The following ROR1 variants were observed in gnomAD, a reference collection of about 807,000 sequenced individuals.
The protein encoded by ROR1 is inactive tyrosine-protein kinase transmembrane receptor ROR1.
In ROR1, 19 loss-of-function variants were observed where a neutral mutation model predicts 78.8. The observed-to-expected ratio is 0.24, with a 90% CI of 0.17 to 0.35. The LOEUF (loss-of-function observed/expected upper bound fraction) is 0.35, where lower values mean the gene tolerates loss of function less well. ROR1 is among the 10% of genes least tolerant of loss of function. The probability of loss-of-function intolerance (pLI) is 1.00; values close to 1 mark genes in which losing one functional copy is unlikely to be tolerated. For synonymous variants in ROR1, 386 were observed against 433.6 expected, an observed-to-expected ratio of 0.89 and a Z score of 1.36; for missense variants, 917 against 1,177.8, an observed-to-expected ratio of 0.78 and a Z score of 3.24.
At chr1:63,876,938 C>G (rs1645290188) in intron 1 of ROR1, among the ~76,000 whole-genome samples, 1 of 151,502 alleles carries the variant, frequency 6.6e-6, no homozygotes, top group African/African-American at 2.4e-5. Flanking sequence ...TCTTAGAAAG[C>G]AATAACTTTT....
chr1:63,791,580 A>G (rs1469704219), intron 1 of ROR1, among the ~76,000 whole-genome samples: 2 of 152,088 alleles, frequency 1.3e-5, no homozygotes, highest in African/African-American at 4.8e-5. Flanking sequence ...CACCAGAGTC[A>G]AAGCAACTCA....
At chr1:63,976,099 T>C (rs189904025) in intron 1 of ROR1, among the ~76,000 whole-genome samples, 34 of 152,332 alleles carry the variant, frequency 2.2e-4, no homozygotes, top group African/African-American at 7.5e-4. Flanking sequence ...CATGCATTTT[T>C]AAGTTAACTA....
chr1:63,852,369 G>T (rs1172538481), intron 1 of ROR1, among the ~76,000 whole-genome samples: 1 of 152,126 alleles, frequency 6.6e-6, no homozygotes, highest in East Asian at 1.9e-4. Flanking sequence ...TTCTCATCCT[G>T]CCCTCCTGAG....
chr1:64,015,376 G>A lies in ROR1; in HGVS notation c.163+6000G>A, dbSNP rs1000412102. On this transcript the variant is annotated intron_variant, in intron 2 of 8. Coordinates refer to ENST00000371079, the MANE Select transcript of ROR1 (RefSeq NM_005012.4). The stretch of plus-strand genomic sequence containing the variant: ...GTTGTGATAGGATAGCTGCTTGCTC[G>A]GTCACAACATACAGATACATCTTAG... 9.2e-5 allele frequency among the ~76,000 whole-genome samples: 14 copies of A among 152,034 alleles called. No homozygotes were observed. The South Asian group carries it at 1.9e-3, about 20-fold the overall frequency.
intron 1 of ROR1, among the ~76,000 whole-genome samples, chr1:63,823,520 G>A (rs1644935908): frequency 7.5e-6 from 1 of 133,644 alleles, no homozygotes; most frequent in African/African-American, 2.9e-5. Flanking sequence ...TGCTATCATA[G>A]CTCGTTGTAA....
chr1:63,778,239 G>A (rs1036926217), intron 1 of ROR1, among the ~76,000 whole-genome samples: 1 of 152,222 alleles, frequency 6.6e-6, no homozygotes, highest in African/African-American at 2.4e-5. Context: ...TGGGGTACAT[G>A]AAATTAAGGA....
chr1:63,997,849 T>G (rs1380427244), intron 1 of ROR1, among the ~76,000 whole-genome samples: 2 of 150,920 alleles, frequency 1.3e-5, no homozygotes, highest in African/African-American at 4.9e-5. Context: ...TTTTTAAAAG[T>G]CTTTACCCAA....
chr1:64,081,703 C>T (rs951120504), intron 4 of ROR1, among the ~76,000 whole-genome samples: 6 of 143,594 alleles, frequency 4.2e-5, no homozygotes, highest in African/African-American at 8.1e-5. Flanking sequence ...CCTGGGAGAT[C>T]GAGGCTGCAG....
At chr1:63,875,768 C>G (rs995386026) in intron 1 of ROR1, among the ~76,000 whole-genome samples, 3 of 152,130 alleles carry the variant, frequency 2.0e-5, no homozygotes, top group African/African-American at 7.2e-5. Context: ...AATAAATAGG[C>G]TTCCTTGATC....
At chr1:63,987,846 G>A (rs547488458) in intron 1 of ROR1, among the ~76,000 whole-genome samples, 2 of 152,256 alleles carry the variant, frequency 1.3e-5, no homozygotes, top group South Asian at 4.1e-4. Context: ...TTGTACATTA[G>A]TCAACGTCAA....
intron 1 of ROR1, among the ~76,000 whole-genome samples, chr1:63,908,509 G>C (rs1645545209): frequency 6.6e-6 from 1 of 152,158 alleles, no homozygotes; most frequent in South Asian, 2.1e-4. Flanking sequence ...TAACATTTTG[G>C]TGTCTTAACC....
At chr1:63,787,432 C>CCTTT (rs1644695282) in intron 1 of ROR1, among the ~76,000 whole-genome samples, 1 of 116,032 alleles carries the variant, frequency 8.6e-6, no homozygotes, top group African/African-American at 3.3e-5. Flanking sequence ...AGAACTATTG[C>CCTTT]CTTTCTTTCC....
chr1:64,028,853 C>T (rs1184150054), intron 2 of ROR1: 1 of 152,050 alleles, frequency 6.6e-6, no homozygotes, highest in African/African-American at 2.4e-5. Flanking sequence ...GCCTATAATA[C>T]CCCTGTTGTG....
chr1:63,820,210 A>G (rs1362300800), intron 1 of ROR1, among the ~76,000 whole-genome samples: 3 of 152,164 alleles, frequency 2.0e-5, no homozygotes, highest in Non-Finnish European at 4.4e-5. Context: ...ATTTGAAGCC[A>G]TTGTAATGTT....
intron 1 of ROR1, among the ~76,000 whole-genome samples, chr1:63,907,183 A>T (rs903226238): frequency 6.6e-6 from 1 of 152,196 alleles, no homozygotes; most frequent in African/African-American, 2.4e-5. Context: ...AGAGGCTAGG[A>T]CATTCTAGGC....
chr1:63,930,860 T>C (rs1645745687), intron 1 of ROR1, among the ~76,000 whole-genome samples: 1 of 152,200 alleles, frequency 6.6e-6, no homozygotes, highest in Non-Finnish European at 1.5e-5. Flanking sequence ...TTAATAACTA[T>C]GGCAGGGATG....
intron 3 of ROR1, 116 bp downstream of exon 3, chr1:64,050,094 C>A: frequency 1.7e-6 from 2 of 1,174,380 alleles, no homozygotes; most frequent in Non-Finnish European, 2.4e-6. Context: ...GTACTCTGTG[C>A]CCACAACCCT....
chr1:64,112,087 G>A (rs2806535), intron 4 of ROR1: 62,187 of 151,968 alleles, frequency 0.41, 12,907 homozygotes, highest in South Asian at 0.48. Context: ...TGGGAGCCTC[G>A]CGGGGGGTTG....
At chr1:63,878,378 C>A (rs1334654136) in intron 1 of ROR1, among the ~76,000 whole-genome samples, 1 of 152,180 alleles carries the variant, frequency 6.6e-6, no homozygotes, top group Non-Finnish European at 1.5e-5. Context: ...CGGAAATAAA[C>A]CTAATTGTTA....
Sources: gnomAD v4.1 joint callset for allele counts (sites outside exome capture counted in the v4.1 genomes callset) on GRCh38, gnomAD v4.1.1 for gene constraint, MANE v1.5 for transcripts, NCBI Gene and HGNC (gene_info 2026-07-23, HGNC 2026-07-21) for gene names.